Variants in ELAPOR1 observed in about 807,000 individuals in gnomAD.
ELAPOR1 encodes endosome/lysosome-associated apoptosis and autophagy regulator 1.
Under a neutral mutation model 119.7 loss-of-function variants are expected in ELAPOR1, and 77 were observed. That is an observed-to-expected ratio of 0.64 (90% CI 0.54 to 0.78). The LOEUF is 0.78. ELAPOR1 is among the 30% of genes least tolerant of loss of function. The probability of loss-of-function intolerance (pLI) is 0.00; values close to 1 mark genes in which losing one functional copy is unlikely to be tolerated. For missense variants in ELAPOR1, 1,115 were observed against 1,270.4 expected, an observed-to-expected ratio of 0.88 and a Z score of 1.86; for synonymous variants, 481 against 487.2, an observed-to-expected ratio of 0.99 and a Z score of 0.17.
chr1:109,183,097 G>A (rs1652796051), intron 7 of ELAPOR1, among the ~76,000 whole-genome samples: 1 of 152,016 alleles, frequency 6.6e-6, no homozygotes, highest in African/African-American at 2.4e-5. Context: ...GTTTTTATTT[G>A]TATGAATTAC....
intron 12 of ELAPOR1, 55 bp from the exon 13 acceptor site, chr1:109,191,671 C>A: frequency 6.2e-7 from 1 of 1,603,998 alleles, no homozygotes; most frequent in Non-Finnish European, 8.5e-7. Context: ...GCCACATGGG[C>A]ACCCACTTCC....
intron 1 of ELAPOR1, 113 bp from the exon 2 acceptor site, chr1:109,161,781 C>A: frequency 7.5e-7 from 1 of 1,333,440 alleles, no homozygotes; most frequent in Non-Finnish European, 1.0e-6. Context: ...GGTCCCAGGG[C>A]CCATTTCTGA....
intron 21 of ELAPOR1, chr1:109,201,211 C>G: frequency 2.1e-6 from 1 of 481,734 alleles, no homozygotes; most frequent in Non-Finnish European, 4.0e-6. Flanking sequence ...AAGAATCATC[C>G]CCTACTCCTT....
In ELAPOR1 at chr1:109,183,962, C is replaced by T. The variant is rs554733134; in HGVS notation, c.953-1083C>T. On this transcript the variant is annotated intron_variant, in intron 7 of 21. Transcript: ENST00000369939. Reference sequence around the variant, plus strand: ...GATAGTGTTGGGCTGGTGCGGGAGGCGGGAGGATCGCTTGAGCCCAGGAGT... The same window carrying T: ...GATAGTGTTGGGCTGGTGCGGGAGGTGGGAGGATCGCTTGAGCCCAGGAGT... Among the ~76,000 whole-genome samples, 15 of 151,862 alleles carry T rather than the reference C, an allele frequency of 9.9e-5. No individual in the cohort carries two copies. The East Asian group carries it at 1.2e-3, about 12-fold the overall frequency.
At chr1:109,119,967 A>G (rs182670611) in intron 1 of ELAPOR1, among the ~76,000 whole-genome samples, 75 of 152,214 alleles carry the variant, frequency 4.9e-4, no homozygotes, top group Non-Finnish European at 8.8e-4. Context: ...TCTATTAAGG[A>G]CCTTAGTCAC....
At chr1:109,191,534 A>C in intron 12 of ELAPOR1, 63 bp downstream of exon 12, 1 of 1,485,830 alleles carries the variant, frequency 6.7e-7, no homozygotes, top group Non-Finnish European at 9.4e-7. Context: ...CATCTGCCCC[A>C]TTGGTGTGTC....
At chr1:109,187,232 GAC>G (rs1266087676) in intron 8 of ELAPOR1, 1 of 985,314 alleles carries the variant, frequency 1.0e-6, no homozygotes, top group Non-Finnish European at 1.2e-6. Flanking sequence ...GCTGGCCCGA[GAC>G]AGTTTGCCAG....
chr1:109,142,159 A>C (rs575262145), intron 1 of ELAPOR1, among the ~76,000 whole-genome samples: 18 of 152,218 alleles, frequency 1.2e-4, no homozygotes, highest in Non-Finnish European at 2.4e-4. Flanking sequence ...GCTTTGTGTA[A>C]GAGAGTTGAT....
At chr1:109,121,341 TTC>T (rs1648401472) in intron 1 of ELAPOR1, among the ~76,000 whole-genome samples, 1 of 151,894 alleles carries the variant, frequency 6.6e-6, no homozygotes, top group African/African-American at 2.4e-5. Flanking sequence ...GAGATGGTGT[TTC>T]ACCATGTTGG....
At chr1:109,202,780 A>AG in intron 21 of ELAPOR1, 164 bp from the exon 22 acceptor site, 1 of 745,132 alleles carries the variant, frequency 1.3e-6, no homozygotes, top group African/African-American at 1.8e-5. Context: ...CTGACCCTGA[A>AG]GGGAGCAAGC....
At chr1:109,133,936 C>A (rs1649302430) in intron 1 of ELAPOR1, among the ~76,000 whole-genome samples, 1 of 152,158 alleles carries the variant, frequency 6.6e-6, no homozygotes, top group African/African-American at 2.4e-5. Context: ...TGGATCCAGG[C>A]CATTTCTACT....
chr1:109,185,299 G>A (rs1273399808), intron 8 of ELAPOR1, among the ~76,000 whole-genome samples, 166 bp downstream of exon 8: 1 of 152,010 alleles, frequency 6.6e-6, no homozygotes, highest in Non-Finnish European at 1.5e-5. Flanking sequence ...GGCAAAACGA[G>A]ACCTCTTCAT....
chr1:109,204,918 C>T lies in ELAPOR1; in HGVS notation c.*1906C>T, dbSNP rs1654400124. On this transcript the variant is annotated 3_prime_UTR_variant, in exon 22 of 22. Coordinates refer to ENST00000369939, the MANE Select transcript of ELAPOR1 (RefSeq NM_020775.5). The stretch of plus-strand genomic sequence containing the variant: ...AATTTAAAAATAAACAAGGTGTTCA[C>T]CAAGCTGGGATACTTCTCACTATTA... 6.6e-6 allele frequency: 1 copy of T among 152,158 alleles called. No individual in the cohort carries two copies. The highest frequency in any genetic ancestry group is 1.9e-4 in the East Asian group (1 of 5,200). 9.4% of individuals were successfully genotyped at this position (152,158 alleles called of 1,614,324 possible).
rs71069661 is a variant in ELAPOR1 at position 109,203,879 on chromosome 1, C to CAAA, written c.*886_*888dup. 1 of 105,126 alleles carries CAAA rather than the reference C, an allele frequency of 9.5e-6. No homozygotes were observed. 6.5% of individuals were successfully genotyped at this position (105,126 alleles called of 1,614,324 possible). ...TGGGTGACAGAGTGAGACTCTGCCT[C>CAAA]AAAAAAAAAAAAAAAAAAAAAGAAA... On this transcript the variant is annotated 3_prime_UTR_variant, in exon 22 of 22. Coordinates refer to ENST00000369939, the MANE Select transcript of ELAPOR1 (RefSeq NM_020775.5).
chr1:109,182,747 G>A (rs1332763851), intron 7 of ELAPOR1, among the ~76,000 whole-genome samples: 1 of 151,666 alleles, frequency 6.6e-6, no homozygotes, highest in Non-Finnish European at 1.5e-5. Flanking sequence ...GGCGCCTGTA[G>A]TCCCAGCTAC....
chr1:109,153,616 GTGTTT>G (rs201426802), intron 1 of ELAPOR1, among the ~76,000 whole-genome samples: 104,291 of 148,334 alleles, frequency 0.7, 38,754 homozygotes, highest in East Asian at 0.97. Context: ...CTTGTGGCAG[GTGTTT>G]TGTTTTGTTT....
chr1:109,194,047 C>T (rs757373749), intron 14 of ELAPOR1, among the ~76,000 whole-genome samples: 2 of 152,132 alleles, frequency 1.3e-5, no homozygotes, highest in African/African-American at 4.8e-5. Context: ...TTTCTCTTCT[C>T]CCATCTCAGA....
rs1386573624 is a variant in ELAPOR1, at chr1:109,173,805, C to A, written c.920C>A (p.Ser307Tyr). 17 of 1,613,992 alleles carry A rather than the reference C, an allele frequency of 1.1e-5. No individual in the cohort carries two copies. Among genetic ancestry groups the A allele is most frequent in the Admixed American group, 3.3e-5 (2 of 59,996 alleles). The change falls in exon 7 of 22, where the codon TCT becomes TAT. Residue 307 changes from serine (S) to tyrosine (Y), a missense_variant. Coordinates refer to ENST00000369939, the MANE Select transcript of ELAPOR1 (RefSeq NM_020775.5). ...TCTTATTCAAATAAAGGAGAAACTT[C>A]TTGCCACCAGTGTGACCCTGACAAA... ...ANSYSNKGET[S>Y]CHQCDPDKYS...
chr1:109,127,642 C>T (rs1046413034), intron 1 of ELAPOR1, among the ~76,000 whole-genome samples: 5 of 152,114 alleles, frequency 3.3e-5, no homozygotes, highest in South Asian at 2.1e-4. Flanking sequence ...TCACTGTTCA[C>T]GGCAGCCTTG....
Sources: allele counts gnomAD v4.1 joint callset (sites outside exome capture counted in the v4.1 genomes callset), GRCh38; gene constraint gnomAD v4.1.1; transcripts MANE v1.5; gene names NCBI Gene and HGNC (gene_info 2026-07-23, HGNC 2026-07-21).